SYT6: variants seen among roughly 807,000 people sequenced by gnomAD.
SYT6 encodes synaptotagmin 6, also known as synaptotagmin-6.
A neutral mutation model predicts 38.4 loss-of-function variants in SYT6; 24 were observed. The ratio of observed to expected loss-of-function variants is 0.62; its 90% CI spans 0.45 to 0.88. The LOEUF is 0.88. SYT6 is among the 40% of genes least tolerant of loss of function. SYT6 has a pLI of 0.00. For missense variants in SYT6, 611 were observed against 621.0 expected (o/e 0.98, Z 0.17); for synonymous variants, 265 against 241.9 (o/e 1.10, Z -0.89).
intron 2 of SYT6, 111 bp downstream of exon 2, chr1:114,139,504 G>T: frequency 6.8e-7 from 1 of 1,464,028 alleles, no homozygotes; most frequent in Non-Finnish European, 9.2e-7. Context: ...GTCAATCAAA[G>T]GATATGTGTT....
chr1:114,096,846 T>C (rs682650), intron 6 of SYT6, among the ~76,000 whole-genome samples: 9,208 of 152,256 alleles, frequency 0.06, 450 homozygotes, highest in African/African-American at 0.12. Flanking sequence ...AGAATATTCA[T>C]CCAGCTTTCT....
At position 114,140,081 on chromosome 1, in the gene SYT6, T is replaced by C. The variant is rs188737608; in HGVS notation, c.164-118A>G. 4.8e-4 allele frequency: 290 copies of C among 606,592 alleles called. 2 individuals are homozygous for C. In the African/African-American group the frequency reaches 4.8e-3, roughly 10 times the overall value. 37.6% of individuals were successfully genotyped at this position (606,592 alleles called of 1,614,324 possible). On this transcript the variant is annotated intron_variant, in intron 1 of 7. Transcript: ENST00000610222. The stretch of plus-strand genomic sequence containing the variant: ...ACAAAGACGGAAGAAGAGAGAAGAA[T>C]GGTCATGAGAAAGCTGCCAGGTCAG...
intron 3 of SYT6, among the ~76,000 whole-genome samples, chr1:114,114,856 T>G (rs1348876986): frequency 2.0e-5 from 3 of 152,206 alleles, no homozygotes; most frequent in Non-Finnish European, 4.4e-5. Flanking sequence ...CCTCTTCTCT[T>G]TTTTTAGGCA....
chr1:114,133,579 G>A (rs1571881149), intron 3 of SYT6, among the ~76,000 whole-genome samples: 4 of 152,340 alleles, frequency 2.6e-5, no homozygotes, highest in African/African-American at 7.2e-5. Context: ...ACTATCAGGG[G>A]CCCTTGGGCA....
intron 3 of SYT6, among the ~76,000 whole-genome samples, chr1:114,105,173 G>C (rs1355644241): frequency 6.6e-6 from 1 of 152,162 alleles, no homozygotes; most frequent in Non-Finnish European, 1.5e-5. Flanking sequence ...TACAGTTGTT[G>C]AATGTTTAGC....
chr1:114,129,696 G>A (rs1031847052), intron 3 of SYT6, among the ~76,000 whole-genome samples: 6 of 137,346 alleles, frequency 4.4e-5, no homozygotes, highest in African/African-American at 1.8e-4. Context: ...TCTTGACAGA[G>A]TCTTGCTCTG....
intron 3 of SYT6, among the ~76,000 whole-genome samples, chr1:114,110,429 A>T (rs1014366608): frequency 1.3e-5 from 2 of 152,156 alleles, no homozygotes; most frequent in East Asian, 3.9e-4. Context: ...AGTGGTCCTG[A>T]AAGATGGGGA....
intron 3 of SYT6, among the ~76,000 whole-genome samples, chr1:114,115,436 T>C (rs75279524): frequency 1.3e-5 from 2 of 152,004 alleles, no homozygotes; most frequent in African/African-American, 4.8e-5. Flanking sequence ...TTTTTTTTTT[T>C]TTGAGTGTCT....
chr1:114,103,587 G>A lies in SYT6; in HGVS notation c.1192+14C>T. The A allele has an allele frequency of 6.2e-7, 1 of 1,614,016 alleles. No homozygotes were observed. The highest frequency in any genetic ancestry group is 8.5e-7 in the Non-Finnish European group (1 of 1,179,938). On this transcript the variant is annotated intron_variant, in intron 4 of 7. Transcript: ENST00000610222. ...TCTGGGCTGCTGGCAGGCCACTTGG[G>A]TTAAGAGAGGTACCTGAATAGCCTG...
intron 3 of SYT6, among the ~76,000 whole-genome samples, chr1:114,116,204 C>G (rs1676986482): frequency 6.6e-6 from 1 of 152,204 alleles, no homozygotes; most frequent in African/African-American, 2.4e-5. Context: ...CGTCATTTCT[C>G]ACGAAAGTCA....
At chr1:114,134,024 A>G (rs544118618) in intron 3 of SYT6, among the ~76,000 whole-genome samples, 2 of 152,326 alleles carry the variant, frequency 1.3e-5, no homozygotes, top group Admixed American at 1.3e-4. Context: ...CCAGGGCCGA[A>G]TCCGACTCTC....
At chr1:114,126,642 C>T (rs753185873) in intron 3 of SYT6, among the ~76,000 whole-genome samples, 4 of 152,220 alleles carry the variant, frequency 2.6e-5, no homozygotes, top group South Asian at 2.1e-4. Flanking sequence ...TTGGAGAAAT[C>T]GCTTTTTGTT....
chr1:114,151,846 T>C (rs938421037), intron 1 of SYT6, among the ~76,000 whole-genome samples: 1 of 152,120 alleles, frequency 6.6e-6, no homozygotes, highest in Admixed American at 6.6e-5. Context: ...AATAACTTGT[T>C]AGGCCTAATG....
chr1:114,102,174 C>A (rs1176071697), intron 4 of SYT6, among the ~76,000 whole-genome samples: 2 of 152,150 alleles, frequency 1.3e-5, no homozygotes, highest in African/African-American at 4.8e-5. Flanking sequence ...CCTCAGCAGC[C>A]TTGAGAGTCT....
intron 3 of SYT6, among the ~76,000 whole-genome samples, chr1:114,123,324 T>G (rs1012895776): frequency 2.0e-5 from 3 of 152,120 alleles, no homozygotes; most frequent in African/African-American, 7.2e-5. Context: ...TCCTAGCACA[T>G]GGTCCAATGT....
At chr1:114,149,223 G>GTGTGTGTGTGTGTGTGTGTGCACGCA (rs531593752) in intron 1 of SYT6, among the ~76,000 whole-genome samples, 1 of 133,264 alleles carries the variant, frequency 7.5e-6, no homozygotes, top group South Asian at 2.3e-4. Flanking sequence ...GAGATTGTGT[G>GTGTGTGTGTGTGTGTGTGTGCACGCA]TGTGTGTGTG....
At chr1:114,096,026 C>T (rs1223624544) in intron 6 of SYT6, among the ~76,000 whole-genome samples, 1 of 152,158 alleles carries the variant, frequency 6.6e-6, no homozygotes, top group African/African-American at 2.4e-5. Flanking sequence ...CATGCCCTCC[C>T]CCTAAGCCAC....
chr1:114,139,154 T>G (rs1257689188), intron 2 of SYT6, among the ~76,000 whole-genome samples: 1 of 152,220 alleles, frequency 6.6e-6, no homozygotes. Context: ...TCTGAAAGGC[T>G]TTAAAGGAAT....
intron 1 of SYT6, among the ~76,000 whole-genome samples, chr1:114,142,710 C>T (rs534475720): frequency 1.8e-4 from 27 of 152,230 alleles, no homozygotes; most frequent in Admixed American, 4.6e-4. Context: ...TAAGAAATTG[C>T]CACAGCCACT....
Sources: gnomAD v4.1 joint callset for allele counts (sites outside exome capture counted in the v4.1 genomes callset) on GRCh38, gnomAD v4.1.1 for gene constraint, MANE v1.5 for transcripts, NCBI Gene and HGNC (gene_info 2026-07-23, HGNC 2026-07-21) for gene names.